Variants in GRM1 observed in about 807,000 individuals in gnomAD.
The protein encoded by GRM1 is glutamate metabotropic receptor 1.
A neutral mutation model predicts 90.9 loss-of-function variants in GRM1; 33 were observed. The ratio of observed to expected loss-of-function variants is 0.36; its 90% CI spans 0.28 to 0.49. The LOEUF (loss-of-function observed/expected upper bound fraction) is 0.49. Among genes scored for constraint, GRM1 ranks in the 20% least tolerant of loss-of-function variants. The pLI is 0.99. For missense variants in GRM1, 1,190 were observed against 1,534.3 expected, an observed-to-expected ratio of 0.78 and a Z score of 3.75; for synonymous variants, 700 against 613.2, an observed-to-expected ratio of 1.14 and a Z score of -2.09.
intron 2 of GRM1, among the ~76,000 whole-genome samples, chr6:146,286,007 C>T (rs990773310): frequency 4.6e-5 from 7 of 152,124 alleles, no homozygotes; most frequent in African/African-American, 1.7e-4. Flanking sequence ...TAGCTTCTAT[C>T]CAAATGTTGA....
At chr6:146,338,176 T>A (rs1490204143) in intron 3 of GRM1, among the ~76,000 whole-genome samples, 1 of 152,234 alleles carries the variant, frequency 6.6e-6, no homozygotes, top group Non-Finnish European at 1.5e-5. Context: ...AGGTCAAATA[T>A]TAGATAAATG....
chr6:146,123,422 C>T (rs537833353), intron 1 of GRM1, among the ~76,000 whole-genome samples: 3 of 152,238 alleles, frequency 2.0e-5, no homozygotes, highest in Admixed American at 6.5e-5. Context: ...AGAGAGTTTG[C>T]CTGATGGATG....
At chr6:146,251,295 G>A (rs1781262788) in intron 2 of GRM1, among the ~76,000 whole-genome samples, 1 of 152,002 alleles carries the variant, frequency 6.6e-6, no homozygotes, top group South Asian at 2.1e-4. Context: ...AATTTAATTG[G>A]TGTAAGTTCC....
chr6:146,394,573 G>T (rs1413086465), intron 6 of GRM1, among the ~76,000 whole-genome samples: 1 of 152,030 alleles, frequency 6.6e-6, no homozygotes, highest in African/African-American at 2.4e-5. Context: ...TTACTAATGG[G>T]TGTAATCATC....
chr6:146,267,687 G>T (rs9766192), intron 2 of GRM1, among the ~76,000 whole-genome samples: 4,346 of 102,036 alleles, frequency 0.043, 212 homozygotes, highest in African/African-American at 0.18. Flanking sequence ...GCTGGGCTCG[G>T]CTCGGCTCGG....
At chr6:146,111,810 T>C (rs1775570746) in intron 1 of GRM1, among the ~76,000 whole-genome samples, 2 of 152,210 alleles carry the variant, frequency 1.3e-5, no homozygotes, top group South Asian at 4.1e-4. Flanking sequence ...GTAACAAGGC[T>C]CTCTGGCTGT....
At chr6:146,428,847 C>A (rs1002640157) in intron 7 of GRM1, among the ~76,000 whole-genome samples, 3 of 152,118 alleles carry the variant, frequency 2.0e-5, no homozygotes, top group African/African-American at 4.8e-5. Flanking sequence ...GAATTCTATT[C>A]TTTAATATGA....
At chr6:146,034,597 T>A (rs1424180430) in intron 1 of GRM1, among the ~76,000 whole-genome samples, 1 of 151,996 alleles carries the variant, frequency 6.6e-6, no homozygotes, top group Non-Finnish European at 1.5e-5. Flanking sequence ...GGATTTTGAT[T>A]GTTTAATTTA....
At chr6:146,228,867 AT>A (rs1187806881) in intron 2 of GRM1, among the ~76,000 whole-genome samples, 1 of 152,118 alleles carries the variant, frequency 6.6e-6, no homozygotes. Flanking sequence ...CTTTATGCTA[AT>A]TCCATACTCC....
rs965170260 is a variant in GRM1, at chr6:146,435,264, G to A, written c.*468G>A. On this transcript the variant is annotated 3_prime_UTR_variant, in exon 8 of 8. Transcript: ENST00000282753. The stretch of plus-strand genomic sequence containing the variant: ...CGGAGTGAGCTGGTGGAGCCAGACA[G>A]AGCAGGTGCGGGGAAGGGAAGGGCC... 1 of 295,830 alleles carries A rather than the reference G, an allele frequency of 3.4e-6. No individual in the cohort carries two copies. The highest frequency in any genetic ancestry group is 6.5e-6 in the Non-Finnish European group (1 of 153,996). The allele number at this position is 295,830 out of a possible 1,614,324, so 18.3% of individuals were successfully genotyped here.
At chr6:146,156,507 C>T (rs1313231032) in intron 1 of GRM1, among the ~76,000 whole-genome samples, 1 of 152,222 alleles carries the variant, frequency 6.6e-6, no homozygotes, top group African/African-American at 2.4e-5. Context: ...CAATGATTGA[C>T]TGACAAGGGG....
chr6:146,382,362 C>G (rs979587789), intron 5 of GRM1, among the ~76,000 whole-genome samples: 20 of 149,872 alleles, frequency 1.3e-4, no homozygotes, highest in Admixed American at 1.3e-3. Flanking sequence ...TGTAACATAT[C>G]TCCCCCATAT....
intron 5 of GRM1, among the ~76,000 whole-genome samples, chr6:146,366,437 T>G (rs1775688990): frequency 6.6e-6 from 1 of 152,196 alleles, no homozygotes; most frequent in African/African-American, 2.4e-5. Context: ...CACTAGCATT[T>G]ATTTTTTCTA....
chr6:146,268,015 T>C (rs1476997051), intron 2 of GRM1, among the ~76,000 whole-genome samples: 2 of 152,208 alleles, frequency 1.3e-5, no homozygotes, highest in African/African-American at 4.8e-5. Context: ...ATTGGCACAC[T>C]GTCTTCCTCA....
At chr6:146,328,549 A>C (rs897208958) in intron 3 of GRM1, among the ~76,000 whole-genome samples, 3 of 152,184 alleles carry the variant, frequency 2.0e-5, no homozygotes, top group Admixed American at 2.0e-4. Flanking sequence ...AAAAACATTA[A>C]ATAGTAATAT....
At chr6:146,377,325 A>T (rs1583410809) in intron 5 of GRM1, among the ~76,000 whole-genome samples, 1 of 152,148 alleles carries the variant, frequency 6.6e-6, no homozygotes, top group Non-Finnish European at 1.5e-5. Context: ...GACTTATTAA[A>T]TGGCTTTGAC....
intron 6 of GRM1, 95 bp from the exon 7 acceptor site, chr6:146,398,674 A>G: frequency 1.2e-6 from 1 of 854,982 alleles, no homozygotes; most frequent in East Asian, 2.4e-5. Context: ...ATCATGAAGG[A>G]TGCAAAGATG....
At chr6:146,076,019 C>A (rs1776174407) in intron 1 of GRM1, among the ~76,000 whole-genome samples, 1 of 152,184 alleles carries the variant, frequency 6.6e-6, no homozygotes, top group Non-Finnish European at 1.5e-5. Flanking sequence ...GAAGATCAAA[C>A]AATTGTGTCC....
intron 2 of GRM1, among the ~76,000 whole-genome samples, chr6:146,228,090 T>G (rs983941376): frequency 1.3e-5 from 2 of 152,184 alleles, no homozygotes; most frequent in African/African-American, 2.4e-5. Flanking sequence ...TACAAAGCAT[T>G]TATCAACTGT....
Sources: allele counts gnomAD v4.1 joint callset (sites outside exome capture counted in the v4.1 genomes callset), GRCh38; gene constraint gnomAD v4.1.1; transcripts MANE v1.5; gene names NCBI Gene and HGNC (gene_info 2026-07-23, HGNC 2026-07-21).